EGFLAM: variants seen among roughly 807,000 people sequenced by gnomAD.
EGFLAM encodes the protein pikachurin.
Under a neutral mutation model 113.1 loss-of-function variants are expected in EGFLAM, and 79 were observed. The ratio of observed to expected loss-of-function variants is 0.70; its 90% CI spans 0.58 to 0.84. The LOEUF (loss-of-function observed/expected upper bound fraction) is 0.84. EGFLAM is among the 40% of genes least tolerant of loss of function. EGFLAM has a pLI of 0.00. For synonymous variants in EGFLAM, 504 were observed against 487.6 expected, an observed-to-expected ratio of 1.03 and a Z score of -0.44; for missense variants, 1,265 against 1,291.6, an observed-to-expected ratio of 0.98 and a Z score of 0.32.
At chr5:38,313,685 G>A (rs1322908950) in intron 1 of EGFLAM, among the ~76,000 whole-genome samples, 3 of 152,120 alleles carry the variant, frequency 2.0e-5, no homozygotes, top group East Asian at 1.9e-4. Context: ...AACTTGTCTC[G>A]ATTTATTAGC....
intron 15 of EGFLAM, among the ~76,000 whole-genome samples, chr5:38,433,834 T>C (rs987508527): frequency 1.3e-5 from 2 of 152,232 alleles, no homozygotes; most frequent in African/African-American, 4.8e-5. Flanking sequence ...ACTTCTTTGT[T>C]AACCTCCTAG....
intron 6 of EGFLAM, among the ~76,000 whole-genome samples, chr5:38,394,827 A>G (rs970444006): frequency 1.3e-5 from 2 of 150,746 alleles, no homozygotes; most frequent in Admixed American, 6.6e-5. Flanking sequence ...CTTGAAATAT[A>G]CTTTTGAATA....
At chr5:38,391,028 T>C (rs1486285701) in intron 6 of EGFLAM, among the ~76,000 whole-genome samples, 2 of 152,162 alleles carry the variant, frequency 1.3e-5, no homozygotes, top group Non-Finnish European at 2.9e-5. Context: ...TTTTTTCTTT[T>C]TGATTTATGC....
At chr5:38,451,240 G>T in intron 18 of EGFLAM, 75 bp from the exon 19 acceptor site, 1 of 1,569,200 alleles carries the variant, frequency 6.4e-7, no homozygotes, top group South Asian at 1.2e-5. Context: ...CTCAGGGCTG[G>T]CAGACAAAAC....
chr5:38,311,619 T>G (rs1208513718), intron 1 of EGFLAM, among the ~76,000 whole-genome samples: 1 of 152,234 alleles, frequency 6.6e-6, no homozygotes, highest in Non-Finnish European at 1.5e-5. Context: ...TTTGCATTTT[T>G]TTCGTTTCTT....
chr5:38,313,248 T>G (rs1396883131), intron 1 of EGFLAM, among the ~76,000 whole-genome samples: 1 of 152,236 alleles, frequency 6.6e-6, no homozygotes, highest in Non-Finnish European at 1.5e-5. Flanking sequence ...AAAGGGAGGC[T>G]CTACATAATT....
intron 6 of EGFLAM, among the ~76,000 whole-genome samples, chr5:38,378,115 G>T (rs1171037658): frequency 6.6e-6 from 1 of 152,112 alleles, no homozygotes; most frequent in Non-Finnish European, 1.5e-5. Context: ...CTTCCACTGA[G>T]CTGAGACAAA....
chr5:38,350,738 T>C (rs1231725833), intron 4 of EGFLAM, 120 bp downstream of exon 4: 12 of 943,614 alleles, frequency 1.3e-5, no homozygotes, highest in Non-Finnish European at 1.7e-5. Context: ...GGGAATTCAG[T>C]AGAGAACAAA....
chr5:38,340,080 T>C lies in EGFLAM; in HGVS notation c.291+1299T>C, dbSNP rs117830495. ...CAGTCCAGGTATCAAGAGTGATACA[T>C]GCCTTTGAGTCTAGACAGTGCCTCT... On this transcript the variant is annotated intron_variant, in intron 3 of 21. Coordinates refer to ENST00000322350, the MANE Select transcript of EGFLAM (RefSeq NM_152403.4). 5.2e-3 allele frequency among the ~76,000 whole-genome samples: 795 copies of C among 152,276 alleles called. 25 individuals are homozygous for C. In the East Asian group the frequency reaches 0.094, roughly 18 times the overall value.
intron 1 of EGFLAM, among the ~76,000 whole-genome samples, chr5:38,306,877 CT>C (rs1579751791): frequency 6.6e-6 from 1 of 152,190 alleles, no homozygotes; most frequent in Non-Finnish European, 1.5e-5. Context: ...GAGAATTATA[CT>C]GTGGGGAAGC....
chr5:38,414,992 C>A (rs1450172250), intron 11 of EGFLAM, among the ~76,000 whole-genome samples: 2 of 152,164 alleles, frequency 1.3e-5, no homozygotes, highest in African/African-American at 4.8e-5. Context: ...AGGAATCCAA[C>A]AGCCAGTGAA....
intron 19 of EGFLAM, among the ~76,000 whole-genome samples, chr5:38,454,609 T>C (rs1323076990): frequency 6.6e-6 from 1 of 152,234 alleles, no homozygotes; most frequent in East Asian, 1.9e-4. Flanking sequence ...TTATTGTTAT[T>C]GTTATTTTTA....
At chr5:38,314,836 C>T (rs775730326) in intron 1 of EGFLAM, among the ~76,000 whole-genome samples, 13 of 152,194 alleles carry the variant, frequency 8.5e-5, no homozygotes, top group South Asian at 2.1e-4. Context: ...GGAGCTTGAA[C>T]AGTAAGCACA....
chr5:38,350,389 C>G, intron 3 of EGFLAM, 112 bp from the exon 4 acceptor site: 3 of 1,021,360 alleles, frequency 2.9e-6, no homozygotes, highest in East Asian at 4.9e-5. Flanking sequence ...AAAACATTCT[C>G]TGTGCCAAGC....
rs1742174248 is a variant in EGFLAM at position 38,431,172 on chromosome 5, C to T, written c.2055-5C>T. On this transcript the variant is annotated splice_region_variant and splice_polypyrimidine_tract_variant and intron_variant, in intron 14 of 21. Transcript: ENST00000322350. ...TAAAAATAATATCACATCTTCCTTC[C>T]ACAGGAGTGAAGATCCCCTCACCCT... is the stretch of plus-strand genomic sequence containing the variant. 1 of 1,613,426 alleles carries T rather than the reference C, an allele frequency of 6.2e-7. No homozygotes were observed. Among genetic ancestry groups the T allele is most frequent in the Non-Finnish European group, 8.5e-7 (1 of 1,179,446 alleles).
chr5:38,451,182 T>C, intron 18 of EGFLAM, 133 bp from the exon 19 acceptor site: 1 of 1,212,402 alleles, frequency 8.2e-7, no homozygotes, highest in Non-Finnish European at 1.2e-6. Context: ...CGACTCGTGG[T>C]AATGAAGTAA....
At chr5:38,427,422 C>T (rs1303237719) in intron 14 of EGFLAM, 170 bp downstream of exon 14, 20 of 1,119,028 alleles carry the variant, frequency 1.8e-5, no homozygotes, top group Non-Finnish European at 2.5e-6. Flanking sequence ...GACAGGCTTC[C>T]TATAGAGAGT....
At chr5:38,410,912 C>A (rs1263653283) in intron 10 of EGFLAM, among the ~76,000 whole-genome samples, 1 of 152,142 alleles carries the variant, frequency 6.6e-6, no homozygotes, top group Non-Finnish European at 1.5e-5. Flanking sequence ...CCAGAGAAAT[C>A]CCTGGAAACA....
chr5:38,365,159 A>G (rs974620672), intron 5 of EGFLAM, among the ~76,000 whole-genome samples: 1 of 152,244 alleles, frequency 6.6e-6, no homozygotes, highest in Non-Finnish European at 1.5e-5. Flanking sequence ...CGTCCATGAC[A>G]TGCTTTAGCT....
Sources: gnomAD v4.1 joint callset for allele counts (sites outside exome capture counted in the v4.1 genomes callset) on GRCh38, gnomAD v4.1.1 for gene constraint, MANE v1.5 for transcripts, NCBI Gene and HGNC (gene_info 2026-07-23, HGNC 2026-07-21) for gene names.